The following KIF16B variants were observed in gnomAD, a reference collection of about 807,000 sequenced individuals.
KIF16B encodes the protein kinesin family member 16B.
A neutral mutation model predicts 156.3 loss-of-function variants in KIF16B; 98 were observed. The ratio of observed to expected loss-of-function variants is 0.63; its 90% CI spans 0.53 to 0.74. KIF16B has a LOEUF of 0.74. Among genes scored for constraint, KIF16B ranks in the 30% least tolerant of loss-of-function variants. The pLI, the probability that KIF16B is intolerant of heterozygous loss-of-function variation, is 0.00. For missense variants in KIF16B, 1,421 were observed against 1,606.5 expected, an observed-to-expected ratio of 0.88 and a Z score of 1.97; for synonymous variants, 564 against 583.7, an observed-to-expected ratio of 0.97 and a Z score of 0.49.
intron 20 of KIF16B, among the ~76,000 whole-genome samples, chr20:16,372,858 C>T (rs918961955): frequency 3.9e-5 from 6 of 152,176 alleles, no homozygotes; most frequent in African/African-American, 9.7e-5. Context: ...CCACCACACC[C>T]GGCTAATTTT....
intron 1 of KIF16B, among the ~76,000 whole-genome samples, chr20:16,570,870 T>C (rs1194332020): frequency 6.6e-6 from 1 of 152,204 alleles, no homozygotes; most frequent in Non-Finnish European, 1.5e-5. Context: ...GTCCAATCCC[T>C]GGCTCCCTTT....
At chr20:16,508,137 T>C in intron 6 of KIF16B, 37 bp from the exon 7 acceptor site, 1 of 1,603,688 alleles carries the variant, frequency 6.2e-7, no homozygotes, top group Non-Finnish European at 8.5e-7. Context: ...GAAATCCCCC[T>C]AATATATAGG....
intron 12 of KIF16B, among the ~76,000 whole-genome samples, chr20:16,488,545 G>C (rs147146778): frequency 1.6e-4 from 25 of 152,278 alleles, no homozygotes; most frequent in Non-Finnish European, 3.4e-4. Context: ...TCCTCTTAAA[G>C]GATCACTTCA....
At chr20:16,461,440 T>C (rs912180864) in intron 12 of KIF16B, among the ~76,000 whole-genome samples, 3 of 152,116 alleles carry the variant, frequency 2.0e-5, no homozygotes, top group African/African-American at 7.2e-5. Flanking sequence ...AACAGGCCCA[T>C]TTTGTCTATC....
chr20:16,540,405 A>G (rs1346922334), intron 1 of KIF16B, among the ~76,000 whole-genome samples: 1 of 152,228 alleles, frequency 6.6e-6, no homozygotes, highest in Non-Finnish European at 1.5e-5. Flanking sequence ...AAATAAATTT[A>G]GTTAATTAAA....
At chr20:16,391,146 C>T (rs1242445692) in intron 17 of KIF16B, among the ~76,000 whole-genome samples, 5 of 152,030 alleles carry the variant, frequency 3.3e-5, no homozygotes, top group Non-Finnish European at 5.9e-5. Flanking sequence ...ATGAGAGGTA[C>T]ACAGAGGAAG....
At chr20:16,496,131 T>C (rs910480169) in intron 11 of KIF16B, among the ~76,000 whole-genome samples, 1 of 152,226 alleles carries the variant, frequency 6.6e-6, no homozygotes, top group Non-Finnish European at 1.5e-5. Context: ...TCTCCTGGCT[T>C]TTTGTTTTGA....
intron 21 of KIF16B, 49 bp from the exon 22 acceptor site, chr20:16,370,685 G>C: frequency 7.4e-7 from 1 of 1,360,040 alleles, no homozygotes; most frequent in Non-Finnish European, 1.0e-6. Context: ...GCAAGTTCAC[G>C]GGGCGGGGGA....
intron 15 of KIF16B, among the ~76,000 whole-genome samples, chr20:16,410,153 A>ATATATATGTAGG (rs1445684059): frequency 4.2e-5 from 6 of 142,254 alleles, no homozygotes; most frequent in African/African-American, 1.3e-4. Flanking sequence ...GTAGGTACAT[A>ATATATATGTAGG]TACATATATG....
chr20:16,437,622 CTCT>C (rs1286751253), intron 12 of KIF16B, among the ~76,000 whole-genome samples: 1 of 152,112 alleles, frequency 6.6e-6, no homozygotes, highest in African/African-American at 2.4e-5. Flanking sequence ...TGTTTTACTC[CTCT>C]TAATGAGAAA....
chr20:16,342,705 T>C (rs2064160931), intron 23 of KIF16B, among the ~76,000 whole-genome samples: 1 of 152,218 alleles, frequency 6.6e-6, no homozygotes, highest in African/African-American at 2.4e-5. Flanking sequence ...TCAGGCTAAA[T>C]ATGGGGATGA....
intron 12 of KIF16B, among the ~76,000 whole-genome samples, chr20:16,485,782 T>C (rs1316343557): frequency 6.6e-6 from 1 of 152,190 alleles, no homozygotes; most frequent in Non-Finnish European, 1.5e-5. Context: ...AAATACTTTC[T>C]ATATTGCAAG....
chr20:16,392,706 T>G (rs192538338), intron 17 of KIF16B, among the ~76,000 whole-genome samples: 2 of 152,352 alleles, frequency 1.3e-5, no homozygotes, highest in East Asian at 3.9e-4. Flanking sequence ...CTGTCTGCCA[T>G]GCTCAGCTCT....
At chr20:16,356,156 T>C (rs2064436914) in intron 23 of KIF16B, among the ~76,000 whole-genome samples, 174 bp downstream of exon 23, 1 of 152,180 alleles carries the variant, frequency 6.6e-6, no homozygotes, top group African/African-American at 2.4e-5. Context: ...GTACCTTCCT[T>C]CCATGTGTTA....
chr20:16,387,165 G>A (rs890401551), intron 17 of KIF16B, among the ~76,000 whole-genome samples: 2 of 152,192 alleles, frequency 1.3e-5, no homozygotes, highest in African/African-American at 4.8e-5. Context: ...AGCAGGGTTA[G>A]AAGTAAAAGA....
At chr20:16,386,380 C>A (rs2065230457) in intron 17 of KIF16B, among the ~76,000 whole-genome samples, 1 of 151,852 alleles carries the variant, frequency 6.6e-6, no homozygotes, top group Non-Finnish European at 1.5e-5. Context: ...AAATGCAGAG[C>A]CCAAGGAGCA....
chr20:16,294,696 C>T (rs1444224660), intron 25 of KIF16B, among the ~76,000 whole-genome samples: 1 of 152,134 alleles, frequency 6.6e-6, no homozygotes, highest in Non-Finnish European at 1.5e-5. Flanking sequence ...GGGGTGCAGA[C>T]ACCCACACCG....
intron 12 of KIF16B, among the ~76,000 whole-genome samples, chr20:16,481,955 G>T (rs147590054): frequency 1.3e-5 from 2 of 152,108 alleles, no homozygotes; most frequent in Admixed American, 6.5e-5. Context: ...TGATAGGTAC[G>T]ATTACTGTCT....
intron 12 of KIF16B, among the ~76,000 whole-genome samples, chr20:16,454,226 A>G (rs1336219862): frequency 6.6e-6 from 1 of 152,064 alleles, no homozygotes; most frequent in East Asian, 1.9e-4. Context: ...ATATATATTC[A>G]TATTTGCTTA....
Sources: gnomAD v4.1 joint callset for allele counts (sites outside exome capture counted in the v4.1 genomes callset) on GRCh38, gnomAD v4.1.1 for gene constraint, MANE v1.5 for transcripts, NCBI Gene and HGNC (gene_info 2026-07-23, HGNC 2026-07-21) for gene names.